Variants in HIVEP2 observed in about 807,000 individuals in gnomAD.
HIVEP2 encodes HIVEP zinc finger 2, also known as transcription factor HIVEP2.
In HIVEP2, 14 loss-of-function variants were observed where a neutral mutation model predicts 180.7. That is an observed-to-expected ratio of 0.08 (90% CI 0.05 to 0.12). The LOEUF (loss-of-function observed/expected upper bound fraction) is 0.12, where lower values mean the gene tolerates loss of function less well. Ranked by LOEUF, HIVEP2 falls within the 10% of genes least tolerant of loss-of-function variation. The pLI is 1.00. For synonymous variants in HIVEP2, 1,184 were observed against 1,136.4 expected (o/e 1.04, Z -0.84); for missense variants, 2,579 against 3,008.5 (o/e 0.86, Z 3.34).
chr6:142,944,383 G>C, intron 1 of HIVEP2, among the ~76,000 whole-genome samples: 1 of 118,786 alleles, frequency 8.4e-6, no homozygotes, highest in African/African-American at 4.0e-5. Context: ...CACCAAATAC[G>C]ACAGACCCCA....
intron 3 of HIVEP2, among the ~76,000 whole-genome samples, chr6:142,779,762 C>CTT (rs570613563): frequency 2.1e-3 from 320 of 152,032 alleles, no homozygotes; most frequent in African/African-American, 7.5e-3. Context: ...GAGGTAATAC[C>CTT]TTTATAAATC....
intron 1 of HIVEP2, among the ~76,000 whole-genome samples, chr6:142,867,873 C>T (rs1022152618): frequency 1.3e-5 from 2 of 152,100 alleles, no homozygotes; most frequent in Non-Finnish European, 2.9e-5. Flanking sequence ...TTTCTTGAAA[C>T]GTTGTGCTAG....
chr6:142,828,169 C>T (rs1774965390), intron 2 of HIVEP2, among the ~76,000 whole-genome samples: 1 of 152,168 alleles, frequency 6.6e-6, no homozygotes, highest in African/African-American at 2.4e-5. Context: ...ATACCCTAGG[C>T]ACTCAATAAG....
At chr6:142,891,331 C>T (rs1162748659) in intron 1 of HIVEP2, among the ~76,000 whole-genome samples, 1 of 151,728 alleles carries the variant, frequency 6.6e-6, no homozygotes, top group African/African-American at 2.4e-5. Flanking sequence ...TCATGTATTC[C>T]CACATCAAGA....
chr6:142,890,342 G>A (rs1012927834), intron 1 of HIVEP2, among the ~76,000 whole-genome samples: 27 of 152,144 alleles, frequency 1.8e-4, no homozygotes, highest in African/African-American at 1.7e-4. Context: ...CAAAGTTAAC[G>A]CAATTCAGCT....
Position 142,753,602 on chromosome 6 carries a change from ATGC to A in HIVEP2, c.6843_6845del (p.Gln2281del). ...GCAAAGCGTGAGGACCTCGCTTCTC[ATGC>A]TGCTTAGAAAGCACATAGGGGTCCT... On this transcript the variant is annotated inframe_deletion, in exon 10 of 10. Coordinates refer to ENST00000367603, the MANE Select transcript of HIVEP2 (RefSeq NM_006734.4). The A allele has an allele frequency of 6.2e-7, 1 of 1,614,174 alleles. No individual in the cohort carries two copies. The highest frequency in any genetic ancestry group is 8.5e-7 in the Non-Finnish European group (1 of 1,180,036).
chr6:142,820,062 T>C (rs1776984821), intron 2 of HIVEP2, among the ~76,000 whole-genome samples: 1 of 152,204 alleles, frequency 6.6e-6, no homozygotes, highest in Admixed American at 6.5e-5. Context: ...AGCTGCCGTT[T>C]TCCATTTCCT....
rs530307511 is a variant in HIVEP2, at chr6:142,767,389, C to A, written c.5342+993G>T. On this transcript the variant is annotated intron_variant, in intron 6 of 9. Transcript: ENST00000367603. ...TCCAAAGAGGGCAAAACCTAAGGGA[C>A]AACCAAATAGAATAATCCATCTCCA... Among the ~76,000 whole-genome samples, 20 of 152,254 alleles carry A rather than the reference C, an allele frequency of 1.3e-4. No individual in the cohort carries two copies. In the South Asian group the frequency reaches 2.5e-3, roughly 19 times the overall value.
rs1775067821 is a variant in HIVEP2, at chr6:142,756,333, G to A, written c.6517-2402C>T. On this transcript the variant is annotated intron_variant, in intron 9 of 9. Transcript: ENST00000367603. The stretch of plus-strand genomic sequence containing the variant: ...GCTCAGTCACTGGCTGGGGCTGCAG[G>A]GAGAGCATGGCTTTGGCTTCAAAAC... Among the ~76,000 whole-genome samples the A allele has an allele frequency of 1.3e-5, 2 of 152,190 alleles. 1 individual carries two copies. Among genetic ancestry groups the A allele is most frequent in the South Asian group, 4.1e-4 (2 of 4,826 alleles).
At chr6:142,892,711 C>G (rs976325093) in intron 1 of HIVEP2, among the ~76,000 whole-genome samples, 5 of 152,146 alleles carry the variant, frequency 3.3e-5, no homozygotes, top group Non-Finnish European at 5.9e-5. Flanking sequence ...TAATACAAGG[C>G]AATACTGAAT....
intron 9 of HIVEP2, 117 bp downstream of exon 9, chr6:142,759,655 A>T: frequency 1.2e-6 from 1 of 801,360 alleles, no homozygotes; most frequent in Non-Finnish European, 2.0e-6. Context: ...TTCATTAGCC[A>T]GATTCACTCC....
At chr6:142,803,825 A>G (rs1288991027) in intron 2 of HIVEP2, among the ~76,000 whole-genome samples, 1 of 152,086 alleles carries the variant, frequency 6.6e-6, no homozygotes, top group Non-Finnish European at 1.5e-5. Flanking sequence ...TTTGGCACCC[A>G]GTGTATGGGA....
At chr6:142,900,116 T>C (rs1777096213) in intron 1 of HIVEP2, among the ~76,000 whole-genome samples, 1 of 152,214 alleles carries the variant, frequency 6.6e-6, no homozygotes, top group African/African-American at 2.4e-5. Context: ...GAATATTCCA[T>C]GTATCTCCTG....
intron 1 of HIVEP2, among the ~76,000 whole-genome samples, chr6:142,914,448 G>A (rs924695811): frequency 1.7e-4 from 26 of 152,156 alleles, no homozygotes; most frequent in South Asian, 2.1e-4. Flanking sequence ...TTAGAATAGC[G>A]GTTGGTCTTG....
At chr6:142,844,711 C>T (rs983230132) in intron 1 of HIVEP2, among the ~76,000 whole-genome samples, 4 of 152,072 alleles carry the variant, frequency 2.6e-5, no homozygotes, top group Non-Finnish European at 4.4e-5. Context: ...GCGATTGGGC[C>T]GAACAAGATC....
intron 9 of HIVEP2, among the ~76,000 whole-genome samples, chr6:142,758,591 C>A (rs1348893871): frequency 6.6e-6 from 1 of 152,200 alleles, no homozygotes; most frequent in African/African-American, 2.4e-5. Flanking sequence ...CCAAAGGTAT[C>A]ATGCCTCTGT....
At chr6:142,801,212 C>T (rs759579098) in intron 2 of HIVEP2, among the ~76,000 whole-genome samples, 3 of 120,714 alleles carry the variant, frequency 2.5e-5, no homozygotes, top group African/African-American at 3.2e-5. Context: ...AAAAAAAAAA[C>T]GAGGGAATAC....
At chr6:142,819,231 T>A (rs1283688571) in intron 2 of HIVEP2, among the ~76,000 whole-genome samples, 6 of 151,414 alleles carry the variant, frequency 4.0e-5, no homozygotes, top group Non-Finnish European at 8.8e-5. Context: ...TCTCAAATTT[T>A]AAAAAAAGAA....
chr6:142,911,660 T>C (rs2128430029), intron 1 of HIVEP2, among the ~76,000 whole-genome samples: 1 of 152,232 alleles, frequency 6.6e-6, no homozygotes, highest in South Asian at 2.1e-4. Flanking sequence ...CTGACACTGC[T>C]CCCAGGAGAA....
Sources: gnomAD v4.1 joint callset for allele counts (sites outside exome capture counted in the v4.1 genomes callset) on GRCh38, gnomAD v4.1.1 for gene constraint, MANE v1.5 for transcripts, NCBI Gene and HGNC (gene_info 2026-07-23, HGNC 2026-07-21) for gene names.